Variants in MGAT4C observed in about 807,000 individuals in gnomAD.
The protein encoded by MGAT4C is alpha-1,3-mannosyl-glycoprotein 4-beta-N-acetylglucosaminyltransferase C.
MGAT4C carries 19 observed loss-of-function variants against 40.1 expected under a neutral mutation model. The observed-to-expected ratio is 0.47, with a 90% CI of 0.33 to 0.70. MGAT4C has a LOEUF of 0.70. Among genes scored for constraint, MGAT4C ranks in the 30% least tolerant of loss-of-function variants. MGAT4C has a pLI of 0.02. For synonymous variants in MGAT4C, 181 were observed against 187.1 expected (o/e 0.97, Z 0.27); for missense variants, 491 against 563.2 (o/e 0.87, Z 1.30).
intron 1 of MGAT4C, among the ~76,000 whole-genome samples, chr12:86,824,749 A>AG (rs1158271706): frequency 0.014 from 2,071 of 148,614 alleles, 26 homozygotes; most frequent in South Asian, 0.025. Context: ...AAAAAAAAAA[A>AG]AAAAAGAGAG....
At chr12:86,368,660 G>C (rs924590468) in intron 3 of MGAT4C, among the ~76,000 whole-genome samples, 6 of 151,788 alleles carry the variant, frequency 4.0e-5, no homozygotes, top group Non-Finnish European at 7.4e-5. Context: ...TTGTTCAAAG[G>C]CATGTTATTT....
intron 1 of MGAT4C, among the ~76,000 whole-genome samples, chr12:86,210,011 AAAGAT>A (rs1950399177): frequency 6.6e-6 from 1 of 152,170 alleles, no homozygotes; most frequent in African/African-American, 2.4e-5. Flanking sequence ...TTATTCTCTC[AAAGAT>A]AAGGGCTGCA....
At chr12:86,821,904 C>T (rs1276883453) in intron 1 of MGAT4C, among the ~76,000 whole-genome samples, 1 of 150,886 alleles carries the variant, frequency 6.6e-6, no homozygotes, top group Non-Finnish European at 1.5e-5. Context: ...ATTGCTTACT[C>T]ACTACAGCTA....
intron 3 of MGAT4C, among the ~76,000 whole-genome samples, chr12:86,348,418 C>T (rs1455082785): frequency 4.6e-5 from 7 of 150,596 alleles, no homozygotes; most frequent in Non-Finnish European, 8.9e-5. Context: ...TTTTTTTTTT[C>T]CACATAAATC....
At chr12:86,567,389 C>T (rs1468373816) in intron 2 of MGAT4C, among the ~76,000 whole-genome samples, 1 of 152,174 alleles carries the variant, frequency 6.6e-6, no homozygotes, top group Admixed American at 6.5e-5. Context: ...GGGCTCCTCT[C>T]ACCTCTAAGT....
Position 86,042,709 on chromosome 12 carries a change from A to T in MGAT4C, c.-7+6965T>A, listed in dbSNP as rs189805609. 7.3e-3 allele frequency among the ~76,000 whole-genome samples: 1,110 copies of T among 151,716 alleles called. 9 individuals are homozygous for T. Among genetic ancestry groups the T allele is most frequent in the Non-Finnish European group, 0.011 (751 of 67,894 alleles). On this transcript the variant is annotated intron_variant, in intron 2 of 4. Coordinates refer to ENST00000611864, the MANE Select transcript of MGAT4C (RefSeq NM_001351288.2). ...TGAAACCCCATCTCTACTAAAAAAAATACAAAAAATTAGCTGGGCGTGGTG... is the reference window on the plus strand; with the variant it reads ...TGAAACCCCATCTCTACTAAAAAAATTACAAAAAATTAGCTGGGCGTGGTG...
chr12:86,216,302 A>G (rs917778779), intron 1 of MGAT4C, among the ~76,000 whole-genome samples: 1 of 152,212 alleles, frequency 6.6e-6, no homozygotes, highest in Non-Finnish European at 1.5e-5. Context: ...GCATTATTTA[A>G]TTGTTACACA....
At chr12:86,697,020 C>A (rs1950272159) in intron 2 of MGAT4C, among the ~76,000 whole-genome samples, 1 of 151,992 alleles carries the variant, frequency 6.6e-6, no homozygotes, top group Non-Finnish European at 1.5e-5. Context: ...AGTTGATAAA[C>A]CCTTATTTTA....
At chr12:86,569,917 G>T (rs148805704) in intron 2 of MGAT4C, among the ~76,000 whole-genome samples, 60 of 152,160 alleles carry the variant, frequency 3.9e-4, no homozygotes, top group African/African-American at 1.4e-3. Flanking sequence ...GATGAACCTG[G>T]AGGGCATTCT....
At chr12:86,259,231 C>T (rs1306650985), upstream of MGAT4C, among the ~76,000 whole-genome samples, 1 of 151,814 alleles carries the variant, frequency 6.6e-6, no homozygotes, top group Non-Finnish European at 1.5e-5. Flanking sequence ...AGATACTAAA[C>T]TTCAAGACCT....
At chr12:86,239,889 G>A (rs560646800) in intron 1 of MGAT4C, among the ~76,000 whole-genome samples, 1 of 131,354 alleles carries the variant, frequency 7.6e-6, no homozygotes, top group Non-Finnish European at 1.6e-5. Context: ...GGTCGGGGGA[G>A]GGGGGAGGGA....
At chr12:86,629,024 GAC>G in intron 2 of MGAT4C, among the ~76,000 whole-genome samples, 1 of 151,952 alleles carries the variant, frequency 6.6e-6, no homozygotes, top group Middle Eastern at 3.4e-3. Context: ...CATATGCAGA[GAC>G]ACACATAGGC....
At chr12:86,621,685 C>T (rs1056093819) in intron 2 of MGAT4C, among the ~76,000 whole-genome samples, 1 of 152,028 alleles carries the variant, frequency 6.6e-6, no homozygotes, top group Non-Finnish European at 1.5e-5. Flanking sequence ...ACTATGTTGT[C>T]CAGGCTGCTC....
At chr12:86,534,878 A>C (rs1959043742) in intron 2 of MGAT4C, among the ~76,000 whole-genome samples, 1 of 152,282 alleles carries the variant, frequency 6.6e-6, no homozygotes, top group African/African-American at 2.4e-5. Context: ...TAAATAAAGC[A>C]AGGCCTCCCT....
intron 2 of MGAT4C, among the ~76,000 whole-genome samples, chr12:86,444,527 G>A (rs1181607314): frequency 1.3e-5 from 2 of 152,044 alleles, no homozygotes; most frequent in African/African-American, 4.8e-5. Flanking sequence ...CTCAATTCCT[G>A]GCTCTCTAAC....
At chr12:86,161,251 C>T (rs537635818) in intron 1 of MGAT4C, among the ~76,000 whole-genome samples, 2 of 152,216 alleles carry the variant, frequency 1.3e-5, no homozygotes, top group South Asian at 4.1e-4. Context: ...TACTTGACTT[C>T]AAACTGTACT....
intron 1 of MGAT4C, among the ~76,000 whole-genome samples, chr12:86,791,946 G>T (rs1238763000): frequency 6.6e-6 from 1 of 152,202 alleles, no homozygotes; most frequent in African/African-American, 2.4e-5. Context: ...CTCAGCAGCA[G>T]AGGGGAGACG....
intron 4 of MGAT4C, among the ~76,000 whole-genome samples, chr12:86,278,764 C>G (rs1953139430): frequency 6.6e-6 from 1 of 151,990 alleles, no homozygotes. Flanking sequence ...AGTGGGCATC[C>G]TTGGCACGCT....
chr12:86,750,067 T>G (rs896489114), intron 1 of MGAT4C, among the ~76,000 whole-genome samples: 2 of 151,856 alleles, frequency 1.3e-5, no homozygotes, highest in African/African-American at 4.8e-5. Flanking sequence ...ATGAGGTATA[T>G]CTTGTCAAAA....
Sources: gnomAD v4.1 joint callset for allele counts (sites outside exome capture counted in the v4.1 genomes callset) on GRCh38, gnomAD v4.1.1 for gene constraint, MANE v1.5 for transcripts, NCBI Gene and HGNC (gene_info 2026-07-23, HGNC 2026-07-21) for gene names.